The following NRIP1 variants were observed in gnomAD, a reference collection of about 807,000 sequenced individuals.
The protein encoded by NRIP1 is nuclear receptor-interacting protein 1.
NRIP1 carries 28 observed loss-of-function variants against 75.0 expected under a neutral mutation model. The observed-to-expected ratio is 0.37, with a 90% CI of 0.28 to 0.51. The LOEUF (loss-of-function observed/expected upper bound fraction) is 0.51. Among genes scored for constraint, NRIP1 ranks in the 20% least tolerant of loss-of-function variants. The pLI is 0.92. For synonymous variants in NRIP1, 526 were observed against 487.6 expected, an observed-to-expected ratio of 1.08 and a Z score of -1.04; for missense variants, 1,435 against 1,343.7, an observed-to-expected ratio of 1.07 and a Z score of -1.06.
chr21:15,000,629 A>C (rs1012457529), intron 3 of NRIP1, among the ~76,000 whole-genome samples: 12 of 152,222 alleles, frequency 7.9e-5, no homozygotes, highest in African/African-American at 2.9e-4. Context: ...AAGTAATTAC[A>C]AAATCAAAAA....
intron 3 of NRIP1, among the ~76,000 whole-genome samples, chr21:15,010,289 G>C (rs554670810): frequency 2.6e-5 from 4 of 151,856 alleles, no homozygotes; most frequent in Non-Finnish European, 5.9e-5. Context: ...AGTGAAAAAA[G>C]ACCAGGGTCT....
intron 3 of NRIP1, among the ~76,000 whole-genome samples, chr21:14,998,025 T>C (rs183494707): frequency 1.2e-3 from 186 of 152,314 alleles, no homozygotes; most frequent in African/African-American, 4.0e-3. Context: ...ATTTTGAGCA[T>C]GAGACAGCCA....
chr21:14,974,717 TAATG>T (rs1010770331), intron 3 of NRIP1, among the ~76,000 whole-genome samples: 2 of 152,254 alleles, frequency 1.3e-5, no homozygotes, highest in African/African-American at 4.8e-5. Flanking sequence ...CAGTCTTTCC[TAATG>T]AATAACTAAC....
chr21:14,964,764 A>T lies in NRIP1; in HGVS notation c.3429T>A (p.Val1143=), dbSNP rs1482440563. 6.3e-7 allele frequency: 1 copy of T among 1,583,020 alleles called. No individual in the cohort carries two copies. Among genetic ancestry groups the T allele is most frequent in the East Asian group, 2.2e-5 (1 of 44,760 alleles). The part of the protein sequence containing the change: ...ASRPHSANGE[V]YGLLGSVLTI... ...TTAGCACGCTTCCCAGAAGTCCATA[A>T]ACTTCTCCATTTGCGCTGTGTGGGC... is the stretch of plus-strand genomic sequence containing the variant. Residue 1143 remains valine (V), a synonymous_variant, in exon 4 of 4, where the codon GTT becomes GTA. Transcript: ENST00000318948.
At chr21:15,015,223 C>A (rs1324578650) in intron 2 of NRIP1, among the ~76,000 whole-genome samples, 1 of 152,082 alleles carries the variant, frequency 6.6e-6, no homozygotes, top group Non-Finnish European at 1.5e-5. Flanking sequence ...AACGCAAATT[C>A]ATCTATTGTG....
chr21:15,034,001 C>T (rs2088774142), intron 2 of NRIP1, among the ~76,000 whole-genome samples: 1 of 152,166 alleles, frequency 6.6e-6, no homozygotes, highest in African/African-American at 2.4e-5. Flanking sequence ...TTGCTGGACC[C>T]CACTAGACTC....
chr21:15,044,321 A>G (rs1188669916), intron 1 of NRIP1, among the ~76,000 whole-genome samples: 1 of 150,564 alleles, frequency 6.6e-6, no homozygotes, highest in Non-Finnish European at 1.5e-5. Context: ...ACTCAGAATT[A>G]GAACCATACT....
At chr21:15,050,332 T>G (rs566415013) in intron 1 of NRIP1, 13 of 196,040 alleles carry the variant, frequency 6.6e-5, no homozygotes, top group Non-Finnish European at 1.2e-4. Flanking sequence ...AACTTTTGTT[T>G]TTCTCAAACA....
intron 2 of NRIP1, among the ~76,000 whole-genome samples, chr21:15,018,990 T>A (rs2088302746): frequency 1.3e-5 from 2 of 152,178 alleles, no homozygotes; most frequent in South Asian, 4.1e-4. Context: ...CTCTTCCCTA[T>A]GTGTAGTTTG....
At position 14,996,264 on chromosome 21, in the gene NRIP1, C is replaced by T. The variant is rs535184896; in HGVS notation, c.-335+18080G>A. On this transcript the variant is annotated intron_variant, in intron 3 of 3. Transcript: ENST00000318948. ...GTATTTTACACCTACAGACTACCTC[C>T]ATTCCGGAAAGCTGCATGTGGCTTG... is the stretch of plus-strand genomic sequence containing the variant. Among the ~76,000 whole-genome samples the T allele has an allele frequency of 4.6e-5, 7 of 152,268 alleles. No individual in the cohort carries two copies. In the South Asian group the frequency reaches 1.0e-3, roughly 23 times the overall value.
intron 2 of NRIP1, among the ~76,000 whole-genome samples, chr21:15,039,107 G>A (rs113059569): frequency 8.7e-4 from 132 of 152,252 alleles, no homozygotes; most frequent in African/African-American, 3.1e-3. Flanking sequence ...TCACTGAGAA[G>A]ACGCCTTTTC....
chr21:15,044,630 T>C (rs756940644), intron 1 of NRIP1, among the ~76,000 whole-genome samples: 1 of 152,130 alleles, frequency 6.6e-6, no homozygotes. Context: ...TTCTCACAGA[T>C]TATAGCTTTG....
intron 3 of NRIP1, among the ~76,000 whole-genome samples, chr21:14,987,000 T>A (rs1236045288): frequency 6.6e-6 from 1 of 152,230 alleles, no homozygotes; most frequent in Non-Finnish European, 1.5e-5. Flanking sequence ...ATCTGCCTAA[T>A]CAATCATCCT....
intron 2 of NRIP1, among the ~76,000 whole-genome samples, chr21:15,032,712 C>T (rs1209557104): frequency 6.6e-6 from 1 of 152,200 alleles, no homozygotes; most frequent in African/African-American, 2.4e-5. Context: ...ATTTCAGATC[C>T]AATCCCTGCT....
At chr21:14,996,157 G>A (rs563658138) in intron 3 of NRIP1, among the ~76,000 whole-genome samples, 108 of 152,150 alleles carry the variant, frequency 7.1e-4, no homozygotes, top group Admixed American at 1.6e-3. Flanking sequence ...ACATACCATG[G>A]TATCAATATG....
intron 3 of NRIP1, among the ~76,000 whole-genome samples, chr21:15,010,761 C>T (rs944796258): frequency 6.6e-6 from 1 of 152,136 alleles, no homozygotes; most frequent in South Asian, 2.1e-4. Context: ...AGTAAACAGG[C>T]CTGCCAGCAC....
At chr21:15,050,668 A>G (rs760607622) in intron 1 of NRIP1, 28 of 453,806 alleles carry the variant, frequency 6.2e-5, no homozygotes, top group African/African-American at 4.6e-4. Flanking sequence ...TAAAGCAAGT[A>G]CATATGTGTG....
intron 1 of NRIP1, among the ~76,000 whole-genome samples, chr21:15,049,484 T>G (rs1291323202): frequency 6.6e-6 from 1 of 152,040 alleles, no homozygotes; most frequent in African/African-American, 2.4e-5. Context: ...CTTTGTAAAA[T>G]GCAATTGTAA....
At chr21:15,056,994 A>G (rs1199440888) in intron 1 of NRIP1, among the ~76,000 whole-genome samples, 3 of 151,970 alleles carry the variant, frequency 2.0e-5, no homozygotes, top group South Asian at 2.1e-4. Flanking sequence ...CCACTCAACA[A>G]TCTCCCTCCT....
Sources: allele counts gnomAD v4.1 joint callset (sites outside exome capture counted in the v4.1 genomes callset), GRCh38; gene constraint gnomAD v4.1.1; transcripts MANE v1.5; gene names NCBI Gene and HGNC (gene_info 2026-07-23, HGNC 2026-07-21).